The following LIME1 variants were observed in gnomAD, a reference collection of about 807,000 sequenced individuals.
The protein encoded by LIME1 is Lck interacting transmembrane adaptor 1.
LIME1 carries 23 observed loss-of-function variants against 18.8 expected under a neutral mutation model. The ratio of observed to expected loss-of-function variants is 1.22; its 90% CI spans 0.88 to 1.73. The LOEUF (loss-of-function observed/expected upper bound fraction) is 1.73. LIME1 is among the 40% of genes most tolerant of loss of function. LIME1 has a pLI of 0.00. For synonymous variants in LIME1, 177 were observed against 182.3 expected (o/e 0.97, Z 0.23); for missense variants, 423 against 396.8 (o/e 1.07, Z -0.56).
upstream of LIME1, chr20:63,736,593 CA>C: frequency 1.0e-6 from 1 of 986,784 alleles, no homozygotes; most frequent in South Asian, 4.7e-5. Flanking sequence ...GTGGGAGGCT[CA>C]GGGGAGGCGC....
intron 1 of LIME1, 39 bp from the exon 2 acceptor site, chr20:63,737,494 C>A: frequency 7.0e-7 from 1 of 1,429,256 alleles, no homozygotes; most frequent in South Asian, 1.5e-5. Flanking sequence ...CGCCAGGTCC[C>A]CTTGGCCAGC....
chr20:63,738,109 C>T lies in LIME1; in HGVS notation c.268+49C>T, dbSNP rs1027854431. 16 of 1,522,102 alleles carry T rather than the reference C, an allele frequency of 1.1e-5. No homozygotes were observed. The Admixed American group carries it at 1.4e-4, about 13-fold the overall frequency. The allele number at this position is 1,522,102 out of a possible 1,614,324, so 94.3% of individuals were successfully genotyped here. A position where few individuals can be genotyped will look rare whatever the true frequency, so the allele number is the denominator to read the frequency against. On this transcript the variant is annotated intron_variant, in intron 4 of 5. Transcript: ENST00000309546. ...CGGCCGGGCGGGGCTTACTGTGCAG[C>T]GCGTGCCAACCCCTGGGCCAGACCC...
intron 1 of LIME1, chr20:63,737,115 C>T (rs1264015003): frequency 4.0e-6 from 4 of 991,882 alleles, no homozygotes; most frequent in East Asian, 1.1e-4. Context: ...CCGCAGCGAG[C>T]GGCTTGGGGG....
At chr20:63,736,847 C>T (rs1335821259) in intron 1 of LIME1, 135 bp downstream of exon 1, 8 of 986,566 alleles carry the variant, frequency 8.1e-6, no homozygotes, top group Admixed American at 6.1e-5. Flanking sequence ...CCACCCCTCA[C>T]CCCCCAGCTT....
At chr20:63,735,801 A>G, upstream of LIME1, 1 of 1,609,626 alleles carries the variant, frequency 6.2e-7, no homozygotes, top group East Asian at 2.2e-5. Flanking sequence ...GCGTCAGCCC[A>G]GCTGCAGGAG....
chr20:63,737,242 C>T, intron 1 of LIME1: 3 of 1,168,230 alleles, frequency 2.6e-6, no homozygotes, highest in Non-Finnish European at 3.2e-6. Context: ...GCTATGGTGG[C>T]CACAGCTGTC....
Position 63,738,396 on chromosome 20 carries a change from G to C in LIME1, c.482G>C (p.Ser161Thr). ...AALPGVSLAA[S>T]PVVAEYARVQ... ...CTTCCCGGGGTCAGCCTGGCGGCCA[G>C]CCCTGTGGTGGCCGAGTATGCCCGC... The change falls in exon 5 of 6, where the codon AGC (serine) becomes ACC (threonine). Residue 161 changes from serine to threonine, a missense_variant. Ser to Thr is a moderately conservative substitution (Grantham distance 58). Coordinates refer to ENST00000309546, the MANE Select transcript of LIME1 (RefSeq NM_017806.4). 6.4e-7 allele frequency: 1 copy of C among 1,550,766 alleles called. No individual in the cohort carries two copies. The highest frequency in any genetic ancestry group is 2.4e-5 in the East Asian group (1 of 42,188).
At position 63,739,094 on chromosome 20, in the gene LIME1, G is replaced by C. The variant is rs965904678; in HGVS notation, c.*194G>C. On this transcript the variant is annotated 3_prime_UTR_variant, in exon 6 of 6. Transcript: ENST00000309546. ...GCGTCTAAATAAAGCGCCAGCGCAGGATGAAAGCGGCCAGCCTCGCAGCCT... is the reference window on the plus strand; with the variant it reads ...GCGTCTAAATAAAGCGCCAGCGCAGCATGAAAGCGGCCAGCCTCGCAGCCT... 3.8e-6 allele frequency: 2 copies of C among 530,046 alleles called. No homozygotes were observed. The highest frequency in any genetic ancestry group is 7.1e-5 in the Admixed American group (2 of 28,366). 32.8% of individuals were successfully genotyped at this position (530,046 alleles called of 1,614,324 possible). A position where few individuals can be genotyped will look rare whatever the true frequency, so the allele number is the denominator to read the frequency against.
In LIME1 at chr20:63,738,029, C is replaced by G. The variant is rs1014521646; in HGVS notation, c.237C>G (p.His79Gln). Reference sequence around the variant, plus strand: ...TCAGCAAGTCGGACACCAGACTGCACGAGCTGCACCGGGGCCCGCGCAGCA... The same window carrying G: ...TCAGCAAGTCGGACACCAGACTGCAGGAGCTGCACCGGGGCCCGCGCAGCA... ...CSLSKSDTRL[H>Q]ELHRGPRSSR... Residue 79 changes from histidine to glutamine, a missense_variant, in exon 4 of 6, where the codon CAC becomes CAG. His to Gln is a conservative substitution (Grantham distance 24). Transcript: ENST00000309546. 1.9e-6 allele frequency: 3 copies of G among 1,558,240 alleles called. No homozygotes were observed. The highest frequency in any genetic ancestry group is 2.7e-5 in the African/African-American group (2 of 73,202).
In LIME1 at chr20:63,738,337, C is replaced by G; in HGVS notation, c.423C>G (p.Leu141=). 15 of 1,558,188 alleles carry G rather than the reference C, an allele frequency of 9.6e-6. No individual in the cohort carries two copies. Among genetic ancestry groups the G allele is most frequent in the Non-Finnish European group, 1.3e-5 (15 of 1,154,186 alleles). The change falls in exon 5 of 6, where the codon CTC becomes CTG. Residue 141 remains leucine, a synonymous_variant. Transcript: ENST00000309546. ...CAGCCACCGCAGGGTGCGCTGGCCTCGAGGCCACCTATTCCAACGTGGGGC... is the reference window on the plus strand; with the variant it reads ...CAGCCACCGCAGGGTGCGCTGGCCTGGAGGCCACCTATTCCAACGTGGGGC... The part of the protein sequence containing the change: ...AAAATAGCAG[L]EATYSNVGLA...
rs2092016064 is a variant in LIME1 at position 63,738,073 on chromosome 20, C to CGGAGCG, written c.268+15_268+16insAGCGGG. ...CGCAGCAGCAGGGGTGAGCAGAGGG[C>CGGAGCG]GGGGCGGGGGCGGCCGGGCGGGGCT... On this transcript the variant is annotated intron_variant, in intron 4 of 5. Transcript: ENST00000309546. 7.0e-7 allele frequency: 1 copy of CGGAGCG among 1,425,110 alleles called. No individual in the cohort carries two copies. The highest frequency in any genetic ancestry group is 9.5e-7 in the Non-Finnish European group (1 of 1,053,726). The allele number at this position is 1,425,110 out of a possible 1,614,324, so 88.3% of individuals were successfully genotyped here.
chr20:63,737,934 G>A (rs773385496), intron 3 of LIME1, 32 bp downstream of exon 3: 5 of 1,569,068 alleles, frequency 3.2e-6, no homozygotes, highest in Non-Finnish European at 4.3e-6. Context: ...GGACCAGGGT[G>A]GGGTCCGCAG....
In LIME1 at chr20:63,737,007, C is replaced by T; in HGVS notation, c.-18+295C>T. 3 of 986,160 alleles carry T rather than the reference C, an allele frequency of 3.0e-6. No individual in the cohort carries two copies. The South Asian group carries it at 1.4e-4, about 46-fold the overall frequency. 61.1% of individuals were successfully genotyped at this position (986,160 alleles called of 1,614,324 possible). A position where few individuals can be genotyped will look rare whatever the true frequency, so the allele number is the denominator to read the frequency against. On this transcript the variant is annotated intron_variant, in intron 1 of 5. Transcript: ENST00000309546. ...AGAAGTGGGGTGGGGGCATCAGCAC[C>T]CCCAGCAGCTGCTGCTGCCTGCTGA...
At chr20:63,738,144 C>G in intron 4 of LIME1, 39 bp from the exon 5 acceptor site, 1 of 1,535,460 alleles carries the variant, frequency 6.5e-7, no homozygotes, top group Non-Finnish European at 8.7e-7. Flanking sequence ...CGCTCCTGCC[C>G]CCTGCCCGGA....
chr20:63,738,467 C>G lies in LIME1; in HGVS notation c.553C>G (p.Gln185Glu). ...GTHRSPQEPQ[Q>E]GKTEVTPAAQ... ...CCATCGCAGTCCCCAAGAGCCACAG[C>G]AGGGGAAGACTGAGGTGACCCCGGC... Residue 185 changes from glutamine to glutamate, a missense_variant, in exon 5 of 6, where the codon CAG (glutamine) becomes GAG (glutamate). Physicochemically the swap from Gln to Glu is conservative, Grantham distance 29 (BLOSUM62 2). Coordinates refer to ENST00000309546, the MANE Select transcript of LIME1 (RefSeq NM_017806.4). 6.6e-7 allele frequency: 1 copy of G among 1,524,428 alleles called. No homozygotes were observed. Among genetic ancestry groups the G allele is most frequent in the Non-Finnish European group, 8.8e-7 (1 of 1,135,726 alleles). The allele number at this position is 1,524,428 out of a possible 1,614,324, so 94.4% of individuals were successfully genotyped here. A position where few individuals can be genotyped will look rare whatever the true frequency, so the allele number is the denominator to read the frequency against.
At chr20:63,735,823 AGCCCAGCGCCAGCTGGG>A (rs1171676083), upstream of LIME1, 1 of 1,611,790 alleles carries the variant, frequency 6.2e-7, no homozygotes, top group Non-Finnish European at 8.5e-7. Context: ...AGCTGGCAGG[AGCCCAGCGCCAGCTGGG>A]GCAGCTCCGG....
chr20:63,738,558 A>C (rs1157642104), intron 5 of LIME1, 40 bp from the exon 6 acceptor site: 4 of 1,519,394 alleles, frequency 2.6e-6, no homozygotes, highest in Non-Finnish European at 3.5e-6. Context: ...AGCAGGTTGG[A>C]TGGTGCTGAC....
Position 63,737,978 on chromosome 20 carries a change from AC to A in LIME1, c.187del (p.Leu63Ter), listed in dbSNP as rs2092014150. 6.4e-7 allele frequency: 1 copy of A among 1,570,874 alleles called. No homozygotes were observed. The highest frequency in any genetic ancestry group is 8.6e-7 in the Non-Finnish European group (1 of 1,160,918). ...GSATAAEASL[L>X]RRTHLCSLSK... is the part of the protein sequence containing the mutation. ...CCAGCCTTCCTCGCCCCCAGTCCCTACTGAGGCGGACCCACCTCTGCTCCCT... is the reference window on the plus strand; with the variant it reads ...CCAGCCTTCCTCGCCCCCAGTCCCTATGAGGCGGACCCACCTCTGCTCCCT... On this transcript the variant is annotated frameshift_variant, in exon 4 of 6. Coordinates refer to ENST00000309546, the MANE Select transcript of LIME1 (RefSeq NM_017806.4). LOFTEE classifies it high-confidence loss of function.
In LIME1 at chr20:63,738,462, C is replaced by G. The variant is rs1417683092; in HGVS notation, c.548C>G (p.Pro183Arg). ...GGGACCCATCGCAGTCCCCAAGAGCCACAGCAGGGGAAGACTGAGGTGACC... is the reference window on the plus strand; with the variant it reads ...GGGACCCATCGCAGTCCCCAAGAGCGACAGCAGGGGAAGACTGAGGTGACC... ...RKGTHRSPQE[P>R]QQGKTEVTPA... is the part of the protein sequence containing the mutation. The change falls in exon 5 of 6, where the codon CCA (proline) becomes CGA (arginine). Residue 183 changes from proline (P) to arginine (R), a missense_variant. Pro to Arg is a moderately radical substitution (Grantham distance 103, BLOSUM62 -2). Coordinates refer to ENST00000309546, the MANE Select transcript of LIME1 (RefSeq NM_017806.4). The G allele has an allele frequency of 6.5e-7, 1 of 1,529,080 alleles. No homozygotes were observed. Among genetic ancestry groups the G allele is most frequent in the African/African-American group, 1.4e-5 (1 of 72,634 alleles). 94.7% of individuals were successfully genotyped at this position (1,529,080 alleles called of 1,614,324 possible).
Sources: gnomAD v4.1 joint callset for allele counts on GRCh38, gnomAD v4.1.1 for gene constraint, MANE v1.5 for transcripts, NCBI Gene and HGNC (gene_info 2026-07-23, HGNC 2026-07-21) for gene names.